The following NT5C2 variants were observed in gnomAD, a reference collection of about 807,000 sequenced individuals.
NT5C2 encodes 5'-nucleotidase, cytosolic II, also known as cytosolic purine 5'-nucleotidase.
NT5C2 carries 58 observed loss-of-function variants against 76.1 expected under a neutral mutation model. The ratio of observed to expected loss-of-function variants is 0.76; its 90% CI spans 0.62 to 0.95. NT5C2 has a LOEUF of 0.95. Ranked by LOEUF, NT5C2 falls within the 40% of genes least tolerant of loss-of-function variation. The pLI, the probability that NT5C2 is intolerant of heterozygous loss-of-function variation, is 0.00. For synonymous variants in NT5C2, 229 were observed against 237.4 expected, an observed-to-expected ratio of 0.96 and a Z score of 0.32; for missense variants, 478 against 690.3, an observed-to-expected ratio of 0.69 and a Z score of 3.45.
Position 103,130,364 on chromosome 10 carries a change from G to C in NT5C2, c.175+9042C>G, listed in dbSNP as rs898196486. ...ACAGATGCTTGAAGGCAGCATGCTC[G>C]TTAAGAGTCATCACAAATCCCTAAT... On this transcript the variant is annotated intron_variant, in intron 4 of 18. Coordinates refer to ENST00000404739, the MANE Select transcript of NT5C2 (RefSeq NM_001351169.2). 1.1e-3 allele frequency among the ~76,000 whole-genome samples: 169 copies of C among 151,826 alleles called. 1 individual carries two copies. The highest frequency in any genetic ancestry group is 3.9e-3 in the African/African-American group (161 of 41,364).
At chr10:103,105,670 A>G (rs764967740) in intron 6 of NT5C2, 36 bp downstream of exon 6, 20 of 1,338,324 alleles carry the variant, frequency 1.5e-5, no homozygotes, top group Middle Eastern at 1.8e-4. Flanking sequence ...GTTTGACTTT[A>G]ACATTAGAAA....
At chr10:103,156,666 A>G (rs1281278907) in intron 3 of NT5C2, among the ~76,000 whole-genome samples, 1 of 151,838 alleles carries the variant, frequency 6.6e-6, no homozygotes, top group Non-Finnish European at 1.5e-5. Flanking sequence ...GAGGCTCGAC[A>G]ATCACTTGAA....
chr10:103,090,952 A>G lies in NT5C2; in HGVS notation c.1256T>C (p.Ile419Thr). ...TTTGGATACCTTAATACGTCTCTGGATGGAACTGATGTCTGGACGCTCATT... is the reference window on the plus strand; with the variant it reads ...TTTGGATACCTTAATACGTCTCTGGGTGGAACTGATGTCTGGACGCTCATT... ...SSNERPDISSIQRRIKKVTHD... is the reference protein window; with the variant it reads ...SSNERPDISSTQRRIKKVTHD... The change falls in exon 17 of 19, where the codon ATC becomes ACC. Residue 419 changes from isoleucine (I) to threonine (T), a missense_variant. By Grantham distance (89) the Ile-to-Thr change is moderately conservative. Transcript: ENST00000404739. 1 of 1,614,000 alleles carries G rather than the reference A, an allele frequency of 6.2e-7. No individual in the cohort carries two copies. Among genetic ancestry groups the G allele is most frequent in the African/African-American group, 1.3e-5 (1 of 75,030 alleles).
intron 14 of NT5C2, 42 bp from the exon 15 acceptor site, chr10:103,093,351 T>C: frequency 2.0e-6 from 3 of 1,477,754 alleles, no homozygotes; most frequent in Non-Finnish European, 2.7e-6. Context: ...GTCCCTATAT[T>C]AAAATCAGCA....
In NT5C2 at chr10:103,135,155, C is replaced by G. The variant is rs533730867; in HGVS notation, c.175+4251G>C. The stretch of plus-strand genomic sequence containing the variant: ...AGACTTTGGGGGACTGTTGGGAAGG[C>G]ATGATTGGTTTTGAAATGTGAGGAC... On this transcript the variant is annotated intron_variant, in intron 4 of 18. Coordinates refer to ENST00000404739, the MANE Select transcript of NT5C2 (RefSeq NM_001351169.2). Among the ~76,000 whole-genome samples the G allele has an allele frequency of 2.3e-4, 35 of 152,260 alleles. 1 individual carries two copies. In the South Asian group the frequency reaches 7.0e-3, roughly 31 times the overall value.
chr10:103,102,186 C>CA (rs2135123542), intron 6 of NT5C2, among the ~76,000 whole-genome samples: 1 of 152,238 alleles, frequency 6.6e-6, no homozygotes, highest in East Asian at 1.9e-4. Context: ...CATTAGAACT[C>CA]AGTCTATTTC....
chr10:103,096,124 C>G (rs1391900034), intron 11 of NT5C2, 144 bp from the exon 12 acceptor site: 1 of 634,492 alleles, frequency 1.6e-6, no homozygotes, highest in Non-Finnish European at 2.8e-6. Flanking sequence ...TTTATGAAAT[C>G]ATGGCAGTGG....
intron 3 of NT5C2, among the ~76,000 whole-genome samples, chr10:103,163,439 T>C (rs2085448343): frequency 2.0e-5 from 3 of 152,208 alleles, no homozygotes; most frequent in Admixed American, 2.0e-4. Context: ...TTGGCAACAC[T>C]TGATATTGTC....
chr10:103,097,847 A>G, intron 10 of NT5C2: 1 of 358,652 alleles, frequency 2.8e-6, no homozygotes, highest in South Asian at 2.1e-5. Flanking sequence ...CTACCTAGAA[A>G]TACCCACACC....
At chr10:103,138,335 C>T (rs1385639157) in intron 4 of NT5C2, among the ~76,000 whole-genome samples, 1 of 152,126 alleles carries the variant, frequency 6.6e-6, no homozygotes, top group Non-Finnish European at 1.5e-5. Flanking sequence ...CATAGGTATA[C>T]ATGTACCATG....
At chr10:103,104,044 G>C (rs1280746565) in intron 6 of NT5C2, among the ~76,000 whole-genome samples, 2 of 152,086 alleles carry the variant, frequency 1.3e-5, no homozygotes, top group Non-Finnish European at 2.9e-5. Flanking sequence ...TAGAGATAGG[G>C]TTTCACTTTA....
intron 10 of NT5C2, 83 bp from the exon 11 acceptor site, chr10:103,097,457 C>T (rs929690262): frequency 9.4e-5 from 111 of 1,185,910 alleles, no homozygotes; most frequent in Non-Finnish European, 1.3e-4. Flanking sequence ...GGATTTCTGT[C>T]CACAACAGGA....
intron 3 of NT5C2, among the ~76,000 whole-genome samples, chr10:103,161,708 A>G (rs1387316295): frequency 6.6e-6 from 1 of 152,088 alleles, no homozygotes; most frequent in Non-Finnish European, 1.5e-5. Context: ...TGGATGACAG[A>G]GTAAGACTCC....
rs1021913613 is a variant in NT5C2 at position 103,163,879 on chromosome 10, A to C, written c.101+10979T>G. ...AAAATACAAAAAAAAAACAAAAAAA[A>C]AAAAACCTGGTGGCACACACCTGTA... is the stretch of plus-strand genomic sequence containing the variant. On this transcript the variant is annotated intron_variant, in intron 3 of 18. Transcript: ENST00000404739. Among the ~76,000 whole-genome samples, 105 of 147,448 alleles carry C rather than the reference A, an allele frequency of 7.1e-4. 1 individual carries two copies. Among genetic ancestry groups the C allele is most frequent in the African/African-American group, 2.5e-3 (101 of 40,782 alleles).
intron 4 of NT5C2, among the ~76,000 whole-genome samples, chr10:103,134,150 G>A (rs1167235318): frequency 6.6e-6 from 1 of 152,140 alleles, no homozygotes; most frequent in Non-Finnish European, 1.5e-5. Flanking sequence ...AGAAATTCAA[G>A]CCCTGTACAG....
intron 15 of NT5C2, 128 bp downstream of exon 15, chr10:103,093,011 C>CA: frequency 1.6e-6 from 1 of 629,466 alleles, no homozygotes; most frequent in East Asian, 3.1e-5. Context: ...AGGAAGTATC[C>CA]AAATATCAAG....
At chr10:103,106,898 T>C (rs758953346) in intron 4 of NT5C2, among the ~76,000 whole-genome samples, 192 bp from the exon 5 acceptor site, 4 of 152,166 alleles carry the variant, frequency 2.6e-5, no homozygotes, top group Non-Finnish European at 5.9e-5. Flanking sequence ...TCTGTGGAAA[T>C]AGGTCATATT....
intron 4 of NT5C2, among the ~76,000 whole-genome samples, chr10:103,110,936 A>G (rs2072857424): frequency 6.6e-6 from 1 of 152,232 alleles, no homozygotes; most frequent in Admixed American, 6.5e-5. Flanking sequence ...TCCTGAAGCT[A>G]AGTACTGCCA....
rs150694714 is a variant in NT5C2 at position 103,186,970 on chromosome 10, G to T, written c.-168-5642C>A. On this transcript the variant is annotated intron_variant, in intron 1 of 18. Coordinates refer to ENST00000404739, the MANE Select transcript of NT5C2 (RefSeq NM_001351169.2). ...GATTTGTGAAAGATTCTAATGTTAG[G>T]CCAGGGGCGGTGGTTCACGCCTATA... Among the ~76,000 whole-genome samples the T allele has an allele frequency of 7.3e-4, 111 of 151,936 alleles. 2 individuals carry two copies. The East Asian group carries it at 0.021, about 29-fold the overall frequency.
Sources: gnomAD v4.1 joint callset for allele counts (sites outside exome capture counted in the v4.1 genomes callset) on GRCh38, gnomAD v4.1.1 for gene constraint, MANE v1.5 for transcripts, NCBI Gene and HGNC (gene_info 2026-07-23, HGNC 2026-07-21) for gene names.